Variants in MITF observed in about 807,000 individuals in gnomAD.
MITF encodes microphthalmia-associated transcription factor.
A neutral mutation model predicts 60.5 loss-of-function variants in MITF; 17 were observed. That is an observed-to-expected ratio of 0.28 (90% CI 0.19 to 0.42). MITF has a LOEUF of 0.42. Ranked by LOEUF, MITF falls within the 10% of genes least tolerant of loss-of-function variation. The pLI, the probability that MITF is intolerant of heterozygous loss-of-function variation, is 1.00. For missense variants in MITF, 622 were observed against 683.5 expected, an observed-to-expected ratio of 0.91 and a Z score of 1.00; for synonymous variants, 260 against 248.5, an observed-to-expected ratio of 1.05 and a Z score of -0.43.
intron 1 of MITF, among the ~76,000 whole-genome samples, chr3:69,842,573 C>T (rs1381630704): frequency 2.0e-5 from 3 of 152,104 alleles, no homozygotes; most frequent in African/African-American, 7.2e-5. Context: ...ACGGAGGTAG[C>T]CGGTAGATGT....
At chr3:69,934,165 C>T (rs1474897639) in intron 2 of MITF, among the ~76,000 whole-genome samples, 1 of 152,068 alleles carries the variant, frequency 6.6e-6, no homozygotes, top group African/African-American at 2.4e-5. Context: ...GATCAGAGGG[C>T]CCTGGTTGTA....
chr3:69,866,447 G>A, intron 1 of MITF: 1 of 1,383,152 alleles, frequency 7.2e-7, no homozygotes, highest in Non-Finnish European at 9.7e-7. Flanking sequence ...GGGTTTATTG[G>A]GAGTTAAAAA....
chr3:69,763,600 G>A (rs1256477869), intron 1 of MITF: 25 of 1,209,062 alleles, frequency 2.1e-5, no homozygotes, highest in Non-Finnish European at 2.5e-5. Context: ...GTAAGCGTGT[G>A]GCAGAACGTC....
chr3:69,798,926 A>T (rs2062873386), intron 1 of MITF, among the ~76,000 whole-genome samples: 1 of 152,132 alleles, frequency 6.6e-6, no homozygotes, highest in African/African-American at 2.4e-5. Flanking sequence ...CCTTGTACTT[A>T]ATTACTTAAT....
chr3:69,940,448 A>G (rs555228534), intron 4 of MITF, among the ~76,000 whole-genome samples: 56 of 152,340 alleles, frequency 3.7e-4, no homozygotes, highest in Non-Finnish European at 6.5e-4. Flanking sequence ...ACATGTAATC[A>G]CTGTTGTTTA....
rs114775154 is a variant in MITF, at chr3:69,804,894, C to T, written c.104+65193C>T. Among the ~76,000 whole-genome samples the T allele has an allele frequency of 6.7e-3, 1,013 of 152,262 alleles. 9 individuals are homozygous for T. Among genetic ancestry groups the T allele is most frequent in the African/African-American group, 0.023 (954 of 41,546 alleles). On this transcript the variant is annotated intron_variant, in intron 1 of 9. Coordinates refer to ENST00000352241, the MANE Select transcript of MITF (RefSeq NM_001354604.2). ...TTGAAAGGCTATACAATAATTTTGT[C>T]CTGCTTATCAGAGCCATAAAACCAC...
At chr3:69,819,880 G>A (rs1294842164) in intron 1 of MITF, among the ~76,000 whole-genome samples, 2 of 152,272 alleles carry the variant, frequency 1.3e-5, no homozygotes, top group South Asian at 2.1e-4. Flanking sequence ...CAGGGGAATC[G>A]CTTGAACCCG....
intron 1 of MITF, among the ~76,000 whole-genome samples, chr3:69,787,037 A>G (rs971224296): frequency 1.4e-4 from 21 of 152,164 alleles, no homozygotes; most frequent in Admixed American, 1.1e-3. Context: ...TGTCTGCCAA[A>G]TACTCCTGGG....
At position 69,920,602 on chromosome 3, in the gene MITF, C is replaced by T. The variant is rs541548997; in HGVS notation, c.355-17220C>T. Among the ~76,000 whole-genome samples, 22 of 152,282 alleles carry T rather than the reference C, an allele frequency of 1.4e-4. No individual in the cohort carries two copies. The South Asian group carries it at 4.6e-3, about 32-fold the overall frequency. ...TCCTCTCCCTCTCTGCCTCAGCTGC[C>T]AGGCAGGGAAGGGCTCCCTGTCCAG... On this transcript the variant is annotated intron_variant, in intron 2 of 9. Coordinates refer to ENST00000352241, the MANE Select transcript of MITF (RefSeq NM_001354604.2).
chr3:69,779,257 T>A (rs1044773297), intron 1 of MITF, among the ~76,000 whole-genome samples: 1 of 152,216 alleles, frequency 6.6e-6, no homozygotes, highest in Non-Finnish European at 1.5e-5. Flanking sequence ...TTCTCTGAAC[T>A]GGTTTGTTCT....
intron 2 of MITF, 90 bp from the exon 3 acceptor site, chr3:69,937,731 TG>T: frequency 2.0e-6 from 2 of 1,011,612 alleles, no homozygotes; most frequent in Non-Finnish European, 3.1e-6. Flanking sequence ...GTTGGTGGCC[TG>T]GTCAGTTTCA....
At chr3:69,766,027 A>T (rs1421511329) in intron 1 of MITF, among the ~76,000 whole-genome samples, 1 of 152,226 alleles carries the variant, frequency 6.6e-6, no homozygotes, top group East Asian at 1.9e-4. Context: ...GCTATGAGTT[A>T]TCTTTTTAAA....
chr3:69,865,945 G>T (rs2064106145), intron 1 of MITF, among the ~76,000 whole-genome samples: 1 of 152,154 alleles, frequency 6.6e-6, no homozygotes, highest in Non-Finnish European at 1.5e-5. Context: ...CTAATAATGT[G>T]CAGTCTCTGC....
intron 1 of MITF, among the ~76,000 whole-genome samples, chr3:69,853,005 G>A (rs2063851357): frequency 6.6e-6 from 1 of 152,096 alleles, no homozygotes; most frequent in Non-Finnish European, 1.5e-5. Flanking sequence ...AGAAGGATAA[G>A]TTGGTGCTTG....
chr3:69,951,182 C>T (rs953505574), intron 6 of MITF, among the ~76,000 whole-genome samples: 6 of 149,528 alleles, frequency 4.0e-5, no homozygotes, highest in South Asian at 2.1e-4. Context: ...ACTACAACCT[C>T]GACCTCCTGG....
chr3:69,872,496 A>G (rs1575854301), intron 1 of MITF, among the ~76,000 whole-genome samples: 1 of 152,194 alleles, frequency 6.6e-6, no homozygotes, highest in South Asian at 2.1e-4. Flanking sequence ...ATGTGCAACT[A>G]TACTATTATA....
intron 1 of MITF, among the ~76,000 whole-genome samples, chr3:69,814,375 A>T (rs981827955): frequency 6.6e-6 from 1 of 152,086 alleles, no homozygotes; most frequent in Non-Finnish European, 1.5e-5. Flanking sequence ...GTCACCTAGG[A>T]CGGCGTGCAG....
At chr3:69,908,778 G>A (rs2065155907) in intron 2 of MITF, among the ~76,000 whole-genome samples, 3 of 152,114 alleles carry the variant, frequency 2.0e-5, no homozygotes, top group Admixed American at 2.0e-4. Flanking sequence ...GTTCTTGTTA[G>A]AAGAAAGGAA....
intron 1 of MITF, among the ~76,000 whole-genome samples, chr3:69,794,490 C>T (rs1559634227): frequency 6.6e-6 from 1 of 152,150 alleles, no homozygotes; most frequent in African/African-American, 2.4e-5. Flanking sequence ...CTTTGTGCAT[C>T]TCCCTTCTTG....
Sources: gnomAD v4.1 joint callset for allele counts (sites outside exome capture counted in the v4.1 genomes callset) on GRCh38, gnomAD v4.1.1 for gene constraint, MANE v1.5 for transcripts, NCBI Gene and HGNC (gene_info 2026-07-23, HGNC 2026-07-21) for gene names.